Variants in CYP2A7 observed in about 807,000 individuals in gnomAD.
The protein encoded by CYP2A7 is cytochrome P450 family 2 subfamily A member 7, also known as cytochrome P450 2A7.
CYP2A7 carries 36 observed loss-of-function variants against 42.0 expected under a neutral mutation model. The observed-to-expected ratio is 0.86, with a 90% CI of 0.66 to 1.13. CYP2A7 has a LOEUF of 1.13. Among genes scored for constraint, CYP2A7 ranks in the 50% most tolerant of loss-of-function variants. The pLI is 0.00. For missense variants in CYP2A7, 661 were observed against 634.1 expected (o/e 1.04, Z -0.46); for synonymous variants, 260 against 249.5 (o/e 1.04, Z -0.40).
intron 7 of CYP2A7, chr19:40,876,964 G>C: frequency 6.0e-6 from 4 of 661,484 alleles, no homozygotes; most frequent in Non-Finnish European, 7.7e-6. Flanking sequence ...AAGATAGGAA[G>C]TTTTGGAACT....
In CYP2A7 at chr19:40,880,264, A is replaced by T. The variant is rs572037471; in HGVS notation, c.494-20T>A. ...TGGCGCCTGCGGGTGTGGAGGGAGA[A>T]GGGGGTTGGGGAGAGAGTCAACTCA... On this transcript the variant is annotated intron_variant, in intron 3 of 8. Transcript: ENST00000301146. 3.2e-5 allele frequency: 51 copies of T among 1,612,036 alleles called. No individual in the cohort carries two copies. The East Asian group carries it at 1.0e-3, about 33-fold the overall frequency.
rs1037784494 is a variant in CYP2A7 at position 40,880,424 on chromosome 19, C to G, written c.493+55G>C. 39 of 1,589,794 alleles carry G rather than the reference C, an allele frequency of 2.5e-5. No homozygotes were observed. In the African/African-American group the frequency reaches 5.0e-4, roughly 20 times the overall value. ...TCCGCAGGCAGAACGCGCGCGGGTT[C>G]CTCGTCCTGGGTGTTTTCCTTCTCC... On this transcript the variant is annotated intron_variant, in intron 3 of 8. Transcript: ENST00000301146.
At position 40,878,796 on chromosome 19, in the gene CYP2A7, C is replaced by T. The variant is rs774278759; in HGVS notation, c.795G>A (p.Gln265=). Residue 265 remains glutamine (Q), a synonymous_variant, in exon 5 of 9, where the codon CAG becomes CAA. Coordinates refer to ENST00000301146, the MANE Select transcript of CYP2A7 (RefSeq NM_000764.3). ...GGATGAGAAAGGAGTCGATGAAGTC[C>T]TGTGGGGAATTGGGATCCAGCGTGC... is the stretch of plus-strand genomic sequence containing the variant. The part of the protein sequence containing the change: ...NQRTLDPNSP[Q]DFIDSFLIHM... 8 of 1,611,542 alleles carry T rather than the reference C, an allele frequency of 5.0e-6. No homozygotes were observed. Among genetic ancestry groups the T allele is most frequent in the Non-Finnish European group, 6.8e-6 (8 of 1,178,390 alleles).
chr19:40,876,821 A>G, intron 7 of CYP2A7, 153 bp from the exon 8 acceptor site: 1 of 1,069,292 alleles, frequency 9.4e-7, no homozygotes, highest in South Asian at 1.6e-5. Flanking sequence ...TTTGGGGAAT[A>G]GAAGGTTCAC....
Position 40,880,064 on chromosome 19 carries a change from G to A in CYP2A7, c.654+20C>T, listed in dbSNP as rs781141177. ...GCAGGTTGTGGTAGGGGCGTCACGG[G>A]CCGGGCTGCAGCCAGTTACCTGCCC... On this transcript the variant is annotated intron_variant, in intron 4 of 8. Coordinates refer to ENST00000301146, the MANE Select transcript of CYP2A7 (RefSeq NM_000764.3). 5 of 1,611,142 alleles carry A rather than the reference G, an allele frequency of 3.1e-6. No individual in the cohort carries two copies. In the South Asian group the frequency reaches 4.4e-5, roughly 14 times the overall value.
intron 2 of CYP2A7, among the ~76,000 whole-genome samples, chr19:40,881,147 A>G (rs1306406789): frequency 6.6e-6 from 1 of 151,618 alleles, no homozygotes; most frequent in Non-Finnish European, 1.5e-5. Context: ...TTACCAGGAG[A>G]TGGAGGCTGG....
At chr19:40,879,737 T>C (rs559905051) in intron 4 of CYP2A7, among the ~76,000 whole-genome samples, 6 of 151,548 alleles carry the variant, frequency 4.0e-5, no homozygotes, top group Admixed American at 2.6e-4. Flanking sequence ...AGGAGGCGGG[T>C]TGACGCAGTC....
intron 4 of CYP2A7, 101 bp downstream of exon 4, chr19:40,879,983 C>G (rs1324657582): frequency 6.4e-7 from 1 of 1,551,614 alleles, no homozygotes; most frequent in Admixed American, 1.8e-5. Context: ...TGAGGGGACA[C>G]TGTCTGGAGC....
chr19:40,880,813 G>GAGAGAGAA (rs1967657235), intron 2 of CYP2A7, among the ~76,000 whole-genome samples, 185 bp from the exon 3 acceptor site: 1 of 22,760 alleles, frequency 4.4e-5, no homozygotes, highest in African/African-American at 1.3e-4. Context: ...GAGAGAGAGA[G>GAGAGAGAA]AGAGAGAGAG....
Position 40,880,798 on chromosome 19 carries a change from G to GCAC in CYP2A7, c.344-171_344-170insGTG, listed in dbSNP as rs1568527904. On this transcript the variant is annotated intron_variant, in intron 2 of 8. Transcript: ENST00000301146. ...GCAAACTCAGTCAGAGAAACACGAG[G>GCAC]GAGAGAGAGAGAGAGAGAGAGAGAG... Among the ~76,000 whole-genome samples the GCAC allele has an allele frequency of 7.7e-4, 21 of 27,442 alleles. 5 individuals carry two copies. Among genetic ancestry groups the GCAC allele is most frequent in the Non-Finnish European group, 1.2e-3 (18 of 14,600 alleles). 18.0% of individuals were successfully genotyped at this position (27,442 alleles called of 152,430 possible).
intron 4 of CYP2A7, among the ~76,000 whole-genome samples, chr19:40,879,529 T>G (rs4803391): frequency 0.5 from 75,416 of 151,282 alleles, 19,660 homozygotes; most frequent in Admixed American, 0.62. Context: ...CACTTATTTG[T>G]GTGTCAGGGA....
rs1051934326 is a variant in CYP2A7 at position 40,876,479 on chromosome 19, C to T, written c.1303+48G>A. On this transcript the variant is annotated intron_variant, in intron 8 of 8. Transcript: ENST00000301146. Reference sequence around the variant, plus strand: ...AGAGAGGGGAGGTGGGTGAGGGAGGCGCCTGCTGGTGTGAGCAGTGGCCTG... The same window carrying T: ...AGAGAGGGGAGGTGGGTGAGGGAGGTGCCTGCTGGTGTGAGCAGTGGCCTG... The T allele has an allele frequency of 6.2e-6, 10 of 1,611,824 alleles. No individual in the cohort carries two copies. In the South Asian group the frequency reaches 6.6e-5, roughly 11 times the overall value.
rs1255431424 is a variant in CYP2A7 at position 40,882,181 on chromosome 19, G to A, written c.30C>T (p.Ala10=). MLASGLLLV[A]LLACLTVMVL... is the part of the protein sequence containing the mutation. The stretch of plus-strand genomic sequence containing the variant: ...CCATCACAGTCAGGCAGGCCAGCAA[G>A]GCCACCAGAAGCAGCCCTGAGGCCA... The change falls in exon 1 of 9, where the codon GCC becomes GCT. Residue 10 remains alanine (A), a synonymous_variant. Transcript: ENST00000301146. 1.9e-6 allele frequency: 3 copies of A among 1,613,986 alleles called. No individual in the cohort carries two copies. Among genetic ancestry groups the A allele is most frequent in the Non-Finnish European group, 2.5e-6 (3 of 1,179,856 alleles).
Position 40,880,111 on chromosome 19 carries a change from G to T in CYP2A7, c.627C>A (p.Phe209Leu). ...LSLLSMMLGI[F>L]QFTSTSTGQL... The stretch of plus-strand genomic sequence containing the variant: ...GCCCCGTGGAGGTTGACGTGAACTG[G>T]AAGATTCCTAGCATCATGCTCAGCA... The change falls in exon 4 of 9, where the codon TTC (phenylalanine) becomes TTA (leucine). Residue 209 changes from phenylalanine to leucine, a missense_variant. Phe to Leu is a conservative substitution (Grantham distance 22). Coordinates refer to ENST00000301146, the MANE Select transcript of CYP2A7 (RefSeq NM_000764.3). 6.2e-7 allele frequency: 1 copy of T among 1,612,944 alleles called. No individual in the cohort carries two copies. Among genetic ancestry groups the T allele is most frequent in the Non-Finnish European group, 8.5e-7 (1 of 1,179,238 alleles).
chr19:40,881,581 C>T lies in CYP2A7; in HGVS notation c.343+8G>A. ...TGGCCACCTTCCCCATCTTGGGCAC[C>T]CCCTCACCATAGCCTTTGAAGACCC... On this transcript the variant is annotated splice_region_variant and intron_variant, in intron 2 of 8. Coordinates refer to ENST00000301146, the MANE Select transcript of CYP2A7 (RefSeq NM_000764.3). The T allele has an allele frequency of 7.4e-6, 12 of 1,611,458 alleles. No homozygotes were observed. The highest frequency in any genetic ancestry group is 1.1e-5 in the South Asian group (1 of 90,928).
At position 40,882,121 on chromosome 19, in the gene CYP2A7, C is replaced by T. The variant is rs1282459912; in HGVS notation, c.90G>A (p.Arg30=). ...LMSVWQQRKS[R]GKLPPGPTPL... ...GGGTGGGTCCCGGAGGCAGCTTCCCCCTGCTCTTCCTCTGCTGCCAGACAG... is the reference window on the plus strand; with the variant it reads ...GGGTGGGTCCCGGAGGCAGCTTCCCTCTGCTCTTCCTCTGCTGCCAGACAG... Residue 30 remains arginine, a synonymous_variant, in exon 1 of 9, where the codon AGG becomes AGA. Transcript: ENST00000301146. 1.9e-6 allele frequency: 3 copies of T among 1,613,942 alleles called. No individual in the cohort carries two copies. Among genetic ancestry groups the T allele is most frequent in the Admixed American group, 1.7e-5 (1 of 60,008 alleles).
chr19:40,877,955 G>A lies in CYP2A7; in HGVS notation c.870C>T (p.Asn290=), dbSNP rs776098189. ...AGAGGTTCAACGTGCTCATCATCAG[G>A]TTCTTCAAGTAGAACTCCGTGTTGG... ...KNPNTEFYLK[N]LMMSTLNLFI... Residue 290 remains asparagine, a synonymous_variant, in exon 6 of 9, where the codon AAC becomes AAT. Transcript: ENST00000301146. 10 of 1,612,488 alleles carry A rather than the reference G, an allele frequency of 6.2e-6. 1 individual carries two copies. Among genetic ancestry groups the A allele is most frequent in the Non-Finnish European group, 8.5e-6 (10 of 1,179,072 alleles).
chr19:40,878,956 A>G lies in CYP2A7; in HGVS notation c.655-20T>C. The G allele has an allele frequency of 1.9e-6, 3 of 1,599,612 alleles. No individual in the cohort carries two copies. Among genetic ancestry groups the G allele is most frequent in the Non-Finnish European group, 2.6e-6 (3 of 1,170,580 alleles). ...ATAGAGCTGGGGTTGCAGAGAGAGG[A>G]TGGGAAGGGAAGGACAGCTGTCACG... On this transcript the variant is annotated intron_variant, in intron 4 of 8. Transcript: ENST00000301146.
In CYP2A7 at chr19:40,875,593, A is replaced by ATCTTCCCCCCATTCTTATACCCGCC; in HGVS notation, c.*75_*99dup. ...GCCACCACGCCCCTTCCTTTCCCGC[A>ATCTTCCCCCCATTCTTATACCCGCC]TCTTCCCCCCATTCTTATACCCGCC... On this transcript the variant is annotated 3_prime_UTR_variant, in exon 9 of 9. Transcript: ENST00000301146. The ATCTTCCCCCCATTCTTATACCCGCC allele has an allele frequency of 6.3e-7, 1 of 1,578,096 alleles. No homozygotes were observed. The highest frequency in any genetic ancestry group is 8.6e-7 in the Non-Finnish European group (1 of 1,157,266).
Sources: gnomAD v4.1 joint callset for allele counts (sites outside exome capture counted in the v4.1 genomes callset) on GRCh38, gnomAD v4.1.1 for gene constraint, MANE v1.5 for transcripts, NCBI Gene and HGNC (gene_info 2026-07-23, HGNC 2026-07-21) for gene names.